Variants in ATM observed in about 807,000 individuals in gnomAD.
ATM encodes ATM serine/threonine kinase, also known as serine-protein kinase ATM.
Under a neutral mutation model 387.0 loss-of-function variants are expected in ATM, and 308 were observed. That is an observed-to-expected ratio of 0.80 (90% CI 0.73 to 0.87). The LOEUF (loss-of-function observed/expected upper bound fraction) is 0.87, where lower values mean the gene tolerates loss of function less well. Among genes scored for constraint, ATM ranks in the 40% least tolerant of loss-of-function variants. The pLI, the probability that ATM is intolerant of heterozygous loss-of-function variation, is 0.00. For synonymous variants in ATM, 1,156 were observed against 1,187.3 expected, an observed-to-expected ratio of 0.97 and a Z score of 0.54; for missense variants, 3,312 against 3,560.9, an observed-to-expected ratio of 0.93 and a Z score of 1.78.
intron 36 of ATM, 99 bp downstream of exon 36, chr11:108,303,128 C>A: frequency 8.4e-7 from 1 of 1,186,720 alleles, no homozygotes; most frequent in East Asian, 2.4e-5. Context: ...ATATCACCCC[C>A]ACTCAAACTG....
At chr11:108,337,732 G>C (rs977072801) in intron 56 of ATM, among the ~76,000 whole-genome samples, 1 of 152,198 alleles carries the variant, frequency 6.6e-6, no homozygotes, top group African/African-American at 2.4e-5. Context: ...GAAGTTTTTA[G>C]AGACTAGATA....
chr11:108,362,272 T>C (rs973887153), intron 61 of ATM, among the ~76,000 whole-genome samples: 11 of 150,128 alleles, frequency 7.3e-5, no homozygotes, highest in Non-Finnish European at 1.3e-4. Context: ...CCAGTTAGAA[T>C]GGCAGTCATT....
chr11:108,246,437 G>A lies in ATM; in HGVS notation c.902-527G>A, dbSNP rs143500741. Among the ~76,000 whole-genome samples the A allele has an allele frequency of 1.7e-3, 258 of 152,254 alleles. 3 individuals carry two copies. Among genetic ancestry groups the A allele is most frequent in the East Asian group, 0.011 (58 of 5,170 alleles). On this transcript the variant is annotated intron_variant, in intron 7 of 62. Transcript: ENST00000675843. The stretch of plus-strand genomic sequence containing the variant: ...AGATTTTGTAGTACCTTGTTTGTGA[G>A]AAATAATAGACCTTTTGTTTCGCAT...
intron 40 of ATM, among the ~76,000 whole-genome samples, chr11:108,313,852 G>A (rs2084377158): frequency 6.6e-6 from 1 of 152,060 alleles, no homozygotes. Context: ...AATTTTCTAT[G>A]CAGTATAGTT....
intron 59 of ATM, among the ~76,000 whole-genome samples, chr11:108,348,194 TAAGA>T (rs756684205): frequency 4.6e-5 from 7 of 151,922 alleles, no homozygotes; most frequent in South Asian, 2.1e-4. Context: ...GTTTAATATA[TAAGA>T]AAGAAAGAAT....
At chr11:108,308,986 A>G (rs2083907590) in intron 38 of ATM, 1 of 1,523,246 alleles carries the variant, frequency 6.6e-7, no homozygotes, top group Non-Finnish European at 8.8e-7. Flanking sequence ...ATTGGGGTAG[A>G]ATGGTGTTGA....
intron 61 of ATM, among the ~76,000 whole-genome samples, chr11:108,361,936 A>G (rs1351383748): frequency 2.8e-5 from 4 of 144,590 alleles, no homozygotes; most frequent in African/African-American, 7.6e-5. Flanking sequence ...ACAAAAGCCA[A>G]AATTGACAAA....
intron 57 of ATM, among the ~76,000 whole-genome samples, chr11:108,344,039 C>T (rs2087956584): frequency 6.6e-6 from 1 of 152,206 alleles, no homozygotes; most frequent in African/African-American, 2.4e-5. Context: ...GTTCAGAGAA[C>T]TTGCCCAAGG....
intron 6 of ATM, 39 bp downstream of exon 6, chr11:108,244,157 ACT>A (rs773637081): frequency 1.2e-6 from 2 of 1,608,644 alleles, no homozygotes; most frequent in Non-Finnish European, 1.7e-6. Context: ...GTATTGAAAT[ACT>A]TTTGATCTTG....
chr11:108,265,160 A>G (rs2135481664), intron 16 of ATM, among the ~76,000 whole-genome samples: 1 of 151,806 alleles, frequency 6.6e-6, no homozygotes, highest in Admixed American at 6.6e-5. Context: ...ACCAAAAAAG[A>G]GCCCGCATCG....
chr11:108,291,233 C>T (rs2082779211), intron 29 of ATM, among the ~76,000 whole-genome samples: 1 of 152,092 alleles, frequency 6.6e-6, no homozygotes, highest in Non-Finnish European at 1.5e-5. Flanking sequence ...AAGACTCCGT[C>T]TCAAGAAAAG....
At position 108,271,148 on chromosome 11, in the gene ATM, T is replaced by G. The variant is rs2135549026; in HGVS notation, c.2921+2T>G. 1 of 1,613,784 alleles carries G rather than the reference T, an allele frequency of 6.2e-7. No individual in the cohort carries two copies. The highest frequency in any genetic ancestry group is 2.2e-5 in the East Asian group (1 of 44,884). On this transcript the variant is annotated splice_donor_variant, in intron 19 of 62. Transcript: ENST00000675843. LOFTEE classifies it high-confidence loss of function. ...TCTTGAACTTCTGAAACCACTATCGTAAGAAATTAAAACCTTATGTTATGT... is the reference window on the plus strand; with the variant it reads ...TCTTGAACTTCTGAAACCACTATCGGAAGAAATTAAAACCTTATGTTATGT...
chr11:108,268,315 C>G (rs1273221524), intron 17 of ATM, 95 bp from the exon 18 acceptor site: 1 of 1,200,790 alleles, frequency 8.3e-7, no homozygotes, highest in Admixed American at 1.9e-5. Flanking sequence ...TTTTCATATA[C>G]TTTTTTTTGT....
At chr11:108,345,938 G>A (rs2137041934) in intron 58 of ATM, 30 bp downstream of exon 58, 1 of 1,611,754 alleles carries the variant, frequency 6.2e-7, no homozygotes, top group Non-Finnish European at 8.5e-7. Context: ...AGTAGATTGA[G>A]CACTTTGTTG....
In ATM at chr11:108,332,796, C is replaced by T. The variant is rs1350198091; in HGVS notation, c.7823C>T (p.Thr2608Ile). The change falls in exon 53 of 63, where the codon ACT becomes ATT. Residue 2608 changes from threonine (T) to isoleucine (I), a missense_variant. Thr to Ile is a moderately conservative substitution (Grantham distance 89, BLOSUM62 -1). Coordinates refer to ENST00000675843, the MANE Select transcript of ATM (RefSeq NM_000051.4). ...GAGGCTGCAAATAGAATAATATGTA[C>T]TATCAGAAGTAGGAGACCTCAGATG... ...RTEAANRIICTIRSRRPQMVR... is the reference protein window; with the variant it reads ...RTEAANRIICIIRSRRPQMVR... 1 of 1,613,156 alleles carries T rather than the reference C, an allele frequency of 6.2e-7. No homozygotes were observed. Among genetic ancestry groups the T allele is most frequent in the Non-Finnish European group, 8.5e-7 (1 of 1,179,734 alleles).
intron 56 of ATM, among the ~76,000 whole-genome samples, chr11:108,342,231 C>T (rs1449377436): frequency 2.6e-5 from 4 of 151,844 alleles, no homozygotes; most frequent in East Asian, 1.9e-4. Flanking sequence ...AATATGTTCA[C>T]GAGTAGTTTA....
chr11:108,344,564 G>A (rs1050940153), intron 57 of ATM, among the ~76,000 whole-genome samples: 21 of 152,158 alleles, frequency 1.4e-4, no homozygotes, highest in Non-Finnish European at 2.5e-4. Flanking sequence ...AAATTCCGAC[G>A]GCACTGTGGG....
At chr11:108,325,246 A>G (rs866648096) in intron 45 of ATM, 64 bp from the exon 46 acceptor site, 1 of 1,005,510 alleles carries the variant, frequency 9.9e-7, no homozygotes, top group South Asian at 1.4e-5. Context: ...CAGAACTTAC[A>G]TAGTTTTTTT....
intron 3 of ATM, among the ~76,000 whole-genome samples, chr11:108,228,221 C>T (rs988516445): frequency 6.6e-6 from 1 of 152,170 alleles, no homozygotes; most frequent in African/African-American, 2.4e-5. Context: ...ATTATTTTCA[C>T]ACCTTTAAAT....
Sources: gnomAD v4.1 joint callset for allele counts (sites outside exome capture counted in the v4.1 genomes callset) on GRCh38, gnomAD v4.1.1 for gene constraint, MANE v1.5 for transcripts, NCBI Gene and HGNC (gene_info 2026-07-23, HGNC 2026-07-21) for gene names.